PTPRT: variants seen among roughly 807,000 people sequenced by gnomAD.
The protein encoded by PTPRT is protein tyrosine phosphatase receptor type T, also known as receptor-type tyrosine-protein phosphatase T.
A neutral mutation model predicts 176.8 loss-of-function variants in PTPRT; 56 were observed. The ratio of observed to expected loss-of-function variants is 0.32; its 90% confidence interval spans 0.26 to 0.40. The LOEUF (loss-of-function observed/expected upper bound fraction) is 0.40. Among genes scored for constraint, PTPRT ranks in the 10% least tolerant of loss-of-function variants. The pLI is 1.00. For missense variants in PTPRT, 1,540 were observed against 1,908.2 expected (o/e 0.81, Z 3.60); for synonymous variants, 783 against 739.0 (o/e 1.06, Z -0.96).
intron 19 of PTPRT, among the ~76,000 whole-genome samples, chr20:42,128,438 A>AT (rs1276246475): frequency 6.6e-6 from 1 of 152,114 alleles, no homozygotes; most frequent in African/African-American, 2.4e-5. Context: ...GCACTTTAAA[A>AT]TTTTTGTGGC....
chr20:43,045,410 C>T (rs79858653), intron 1 of PTPRT, among the ~76,000 whole-genome samples: 4,617 of 151,724 alleles, frequency 0.03, 112 homozygotes, highest in Non-Finnish European at 0.047. Context: ...CCAAGCAAGA[C>T]GGACAAGAAC....
At chr20:42,451,853 C>G (rs1247937984) in intron 8 of PTPRT, among the ~76,000 whole-genome samples, 1 of 152,050 alleles carries the variant, frequency 6.6e-6, no homozygotes, top group African/African-American at 2.4e-5. Flanking sequence ...TGAGGTGAGG[C>G]AAGTAAACAA....
At chr20:43,119,068 C>A (rs577717684) in intron 1 of PTPRT, among the ~76,000 whole-genome samples, 3 of 152,212 alleles carry the variant, frequency 2.0e-5, no homozygotes, top group Admixed American at 6.5e-5. Context: ...GACGCTTGAG[C>A]AAATTACAAT....
chr20:42,754,958 C>T (rs534304697), intron 6 of PTPRT, among the ~76,000 whole-genome samples: 2 of 152,116 alleles, frequency 1.3e-5, no homozygotes, highest in African/African-American at 4.8e-5. Flanking sequence ...ACCCAGCAGA[C>T]AGCCCTCCTC....
intron 12 of PTPRT, among the ~76,000 whole-genome samples, chr20:42,290,206 C>G (rs1047452474): frequency 2.0e-5 from 3 of 152,070 alleles, no homozygotes; most frequent in African/African-American, 7.2e-5. Flanking sequence ...TCTATTTGAT[C>G]TCTACTATAC....
chr20:42,279,750 G>A (rs1459809723), intron 13 of PTPRT, among the ~76,000 whole-genome samples: 1 of 152,206 alleles, frequency 6.6e-6, no homozygotes, highest in Non-Finnish European at 1.5e-5. Flanking sequence ...TTGGGGTCAA[G>A]TTAGAATGAT....
chr20:42,052,821 G>C, the PTPRT span, among the ~76,000 whole-genome samples: 1 of 152,110 alleles, frequency 6.6e-6, no homozygotes, highest in Non-Finnish European at 1.5e-5. Context: ...TTACACAGTG[G>C]TCAGGAATAA....
chr20:42,195,799 G>A (rs1429680180), intron 16 of PTPRT, among the ~76,000 whole-genome samples: 1 of 152,088 alleles, frequency 6.6e-6, no homozygotes, highest in Non-Finnish European at 1.5e-5. Context: ...ACGTGTCTGT[G>A]TAAATATAAA....
chr20:42,389,289 G>A (rs1384458826), intron 9 of PTPRT, among the ~76,000 whole-genome samples: 4 of 151,846 alleles, frequency 2.6e-5, no homozygotes, highest in East Asian at 1.9e-4. Flanking sequence ...AAAAAGAAAC[G>A]TGATATAGGG....
chr20:42,549,763 T>C (rs2072735981), intron 7 of PTPRT, among the ~76,000 whole-genome samples: 1 of 152,158 alleles, frequency 6.6e-6, no homozygotes, highest in African/African-American at 2.4e-5. Flanking sequence ...GCACAGTCTC[T>C]AGTAGCCAGC....
chr20:42,791,361 T>A lies in PTPRT; in HGVS notation c.320A>T (p.Tyr107Phe). ...GGACCTGTCACGGCTGGAGAAGTAG[T>A]AATGGAAGTCGATGCAGTGGGTGTC... ...ENDTHCIDFH[Y>F]YFSSRDRSSP... is the part of the protein sequence containing the mutation. The change falls in exon 3 of 31, where the codon TAC (tyrosine) becomes TTC (phenylalanine). Residue 107 changes from tyrosine to phenylalanine, a missense_variant. By Grantham distance (22) the Tyr-to-Phe change is conservative (BLOSUM62 3). Coordinates refer to ENST00000373187, the MANE Select transcript of PTPRT (RefSeq NM_007050.6). 6.2e-7 allele frequency: 1 copy of A among 1,614,196 alleles called. No homozygotes were observed. The highest frequency in any genetic ancestry group is 8.5e-7 in the Non-Finnish European group (1 of 1,180,034).
At chr20:42,445,340 C>T (rs772985445) in intron 9 of PTPRT, among the ~76,000 whole-genome samples, 6 of 152,108 alleles carry the variant, frequency 3.9e-5, no homozygotes, top group Admixed American at 6.5e-5. Flanking sequence ...CAGAGTAATC[C>T]TATAAGGCCA....
intron 1 of PTPRT, among the ~76,000 whole-genome samples, chr20:43,187,136 G>C (rs1265293490): frequency 6.6e-6 from 1 of 152,142 alleles, no homozygotes; most frequent in African/African-American, 2.4e-5. Context: ...CTTCCGCCCC[G>C]ACTTTTGGAC....
intron 2 of PTPRT, among the ~76,000 whole-genome samples, chr20:42,815,946 G>C (rs1478871871): frequency 6.6e-6 from 1 of 152,146 alleles, no homozygotes; most frequent in African/African-American, 2.4e-5. Context: ...TGTTTGAACA[G>C]AAAACTTTTT....
intron 1 of PTPRT, among the ~76,000 whole-genome samples, chr20:42,990,415 G>T (rs1009148414): frequency 6.6e-6 from 1 of 151,988 alleles, no homozygotes; most frequent in Non-Finnish European, 1.5e-5. Context: ...CTGGTGCATG[G>T]GATTTAGGGT....
At chr20:43,102,288 A>T (rs931093549) in intron 1 of PTPRT, among the ~76,000 whole-genome samples, 37 of 136,158 alleles carry the variant, frequency 2.7e-4, no homozygotes, top group African/African-American at 1.3e-3. Context: ...CACACATCAC[A>T]CACACACACA....
At chr20:42,123,979 C>T (rs1987720747) in intron 19 of PTPRT, among the ~76,000 whole-genome samples, 1 of 152,186 alleles carries the variant, frequency 6.6e-6, no homozygotes, top group South Asian at 2.1e-4. Context: ...CCAGCACCTA[C>T]AAGTCAGCCT....
chr20:43,009,769 C>A (rs1985030652), intron 1 of PTPRT, among the ~76,000 whole-genome samples: 1 of 152,190 alleles, frequency 6.6e-6, no homozygotes, highest in South Asian at 2.1e-4. Flanking sequence ...GCGACGATGG[C>A]TACATTTACA....
intron 7 of PTPRT, among the ~76,000 whole-genome samples, chr20:42,664,517 A>G (rs2075279825): frequency 6.6e-6 from 1 of 152,226 alleles, no homozygotes; most frequent in Admixed American, 6.5e-5. Context: ...TTTTTAAACT[A>G]CCCATAATTT....
Sources: gnomAD v4.1 joint callset for allele counts (sites outside exome capture counted in the v4.1 genomes callset) on GRCh38, gnomAD v4.1.1 for gene constraint, MANE v1.5 for transcripts, NCBI Gene and HGNC (gene_info 2026-07-23, HGNC 2026-07-21) for gene names.